The following FAM135B variants were observed in gnomAD, a reference collection of about 807,000 sequenced individuals.
The protein encoded by FAM135B is family with sequence similarity 135 member B.
Under a neutral mutation model 127.7 loss-of-function variants are expected in FAM135B, and 43 were observed. The ratio of observed to expected loss-of-function variants is 0.34; its 90% CI spans 0.26 to 0.43. FAM135B has a LOEUF of 0.43. Among genes scored for constraint, FAM135B ranks in the 20% least tolerant of loss-of-function variants. The pLI is 1.00. For missense variants in FAM135B, 1,558 were observed against 1,725.6 expected, an observed-to-expected ratio of 0.90 and a Z score of 1.72; for synonymous variants, 670 against 665.1, an observed-to-expected ratio of 1.01 and a Z score of -0.11.
intron 9 of FAM135B, among the ~76,000 whole-genome samples, chr8:138,187,818 G>A (rs188037585): frequency 1.3e-5 from 2 of 152,300 alleles, no homozygotes; most frequent in East Asian, 1.9e-4. Flanking sequence ...TTGCCAGAAA[G>A]ACCAATCCAT....
chr8:138,193,229 T>C (rs545430446), intron 9 of FAM135B, among the ~76,000 whole-genome samples: 104 of 152,306 alleles, frequency 6.8e-4, no homozygotes, highest in Middle Eastern at 3.4e-3. Context: ...AATGCTTTGG[T>C]AATGGTGAAA....
chr8:138,270,005 G>A (rs761005100), intron 3 of FAM135B, among the ~76,000 whole-genome samples: 2 of 152,108 alleles, frequency 1.3e-5, no homozygotes, highest in South Asian at 2.1e-4. Context: ...AAGCCACTTT[G>A]AAAAAGGTAT....
chr8:138,445,368 C>A (rs1312241231), intron 1 of FAM135B, among the ~76,000 whole-genome samples: 5 of 152,112 alleles, frequency 3.3e-5, no homozygotes, highest in South Asian at 4.1e-4. Context: ...AATTTTAGAC[C>A]AATATCCTTG....
chr8:138,307,278 TC>T (rs1433321743), intron 3 of FAM135B, among the ~76,000 whole-genome samples: 1 of 152,210 alleles, frequency 6.6e-6, no homozygotes, highest in Non-Finnish European at 1.5e-5. Context: ...CCTGCTGCCA[TC>T]CATGTAAGAT....
At chr8:138,495,920 C>T (rs2131704900) in intron 1 of FAM135B, among the ~76,000 whole-genome samples, 1 of 152,262 alleles carries the variant, frequency 6.6e-6, no homozygotes, top group African/African-American at 2.4e-5. Context: ...GGCCAAGGAG[C>T]AAGGATTGTC....
intron 11 of FAM135B, among the ~76,000 whole-genome samples, chr8:138,176,499 G>A (rs899328822): frequency 2.6e-5 from 4 of 152,288 alleles, no homozygotes; most frequent in South Asian, 2.1e-4. Flanking sequence ...ATTTCAACAC[G>A]CAGCTGTGCT....
At chr8:138,383,820 C>T (rs1832018897) in intron 1 of FAM135B, among the ~76,000 whole-genome samples, 1 of 152,154 alleles carries the variant, frequency 6.6e-6, no homozygotes, top group South Asian at 2.1e-4. Context: ...AAACACCGTT[C>T]CAATCAAACT....
chr8:138,182,038 G>C (rs574592627), intron 9 of FAM135B, among the ~76,000 whole-genome samples: 77 of 152,272 alleles, frequency 5.1e-4, no homozygotes, highest in Middle Eastern at 3.4e-3. Flanking sequence ...CCGGAACTCA[G>C]ACTGCCTCTC....
At chr8:138,442,624 C>T (rs6989325) in intron 1 of FAM135B, among the ~76,000 whole-genome samples, 9,582 of 151,930 alleles carry the variant, frequency 0.063, 570 homozygotes, top group African/African-American at 0.16. Context: ...GAGAGGAGCA[C>T]AAAAACAATC....
intron 1 of FAM135B, among the ~76,000 whole-genome samples, chr8:138,384,450 G>A (rs571806856): frequency 8.9e-4 from 135 of 152,026 alleles, no homozygotes; most frequent in Non-Finnish European, 1.4e-3. Context: ...TTCAGCCTGC[G>A]GATTTGTGCA....
At chr8:138,478,818 AGATAAAACATCTCTGCCGGCAGATGT>A (rs1233574059) in intron 1 of FAM135B, among the ~76,000 whole-genome samples, 2 of 152,232 alleles carry the variant, frequency 1.3e-5, no homozygotes, top group Admixed American at 6.5e-5. Flanking sequence ...ATACACTCAC[AGATAAAACATCTCTGCCGGCAGATGT>A]GTTGGTTTTG....
chr8:138,442,277 T>TATATACATATATATA (rs3084268), intron 1 of FAM135B, among the ~76,000 whole-genome samples: 1 of 134,226 alleles, frequency 7.5e-6, no homozygotes. Context: ...TATATATATA[T>TATATACATATATATA]GAAAAACCTT....
At chr8:138,434,870 T>C (rs985169862) in intron 1 of FAM135B, among the ~76,000 whole-genome samples, 1 of 152,202 alleles carries the variant, frequency 6.6e-6, no homozygotes, top group African/African-American at 2.4e-5. Context: ...ACCAGTCAGA[T>C]TGGACACCTC....
intron 18 of FAM135B, 40 bp from the exon 19 acceptor site, chr8:138,137,300 G>T: frequency 1.8e-6 from 2 of 1,102,926 alleles, no homozygotes; most frequent in Non-Finnish European, 2.8e-6. Context: ...TACCCAGGTA[G>T]TTTCAACTTC....
intron 3 of FAM135B, among the ~76,000 whole-genome samples, chr8:138,272,474 T>C (rs547458298): frequency 6.6e-6 from 1 of 152,244 alleles, no homozygotes; most frequent in South Asian, 2.1e-4. Flanking sequence ...AGAGGGCAAC[T>C]AAACTAAAGA....
In FAM135B at chr8:138,310,844, T is replaced by C; in HGVS notation, c.154A>G (p.Thr52Ala). 6.2e-7 allele frequency: 1 copy of C among 1,613,758 alleles called. No individual in the cohort carries two copies. The highest frequency in any genetic ancestry group is 8.5e-7 in the Non-Finnish European group (1 of 1,179,882). The change falls in exon 3 of 20, where the codon ACA becomes GCA. Residue 52 changes from threonine (T) to alanine (A), a missense_variant. Transcript: ENST00000395297. ...HRLSASIAGQ[T>A]ESSSLHSACV... ...CCATTGCCATTCTTCTGCTCACCTG[T>C]CTGCCCAGCGATGGAGGCACTCAGT...
chr8:138,169,222 C>T (rs1257085120), intron 11 of FAM135B, among the ~76,000 whole-genome samples: 3 of 151,866 alleles, frequency 2.0e-5, no homozygotes, highest in Non-Finnish European at 4.4e-5. Flanking sequence ...TCAATTGGAT[C>T]TTAACCCACC....
intron 7 of FAM135B, among the ~76,000 whole-genome samples, chr8:138,225,171 G>T (rs1056765797): frequency 1.3e-5 from 2 of 151,992 alleles, no homozygotes; most frequent in Non-Finnish European, 2.9e-5. Context: ...TCTATACAAA[G>T]TATACATAGA....
At chr8:138,228,557 T>C (rs1176128085) in intron 7 of FAM135B, among the ~76,000 whole-genome samples, 2 of 152,136 alleles carry the variant, frequency 1.3e-5, no homozygotes, top group African/African-American at 4.8e-5. Flanking sequence ...GAGAGACATA[T>C]GTTGGTGGGG....
Sources: gnomAD v4.1 joint callset for allele counts (sites outside exome capture counted in the v4.1 genomes callset) on GRCh38, gnomAD v4.1.1 for gene constraint, MANE v1.5 for transcripts, NCBI Gene and HGNC (gene_info 2026-07-23, HGNC 2026-07-21) for gene names.